The following GLG1 variants were observed in gnomAD, a reference collection of about 807,000 sequenced individuals.
The protein encoded by GLG1 is golgi glycoprotein 1, also known as Golgi apparatus protein 1.
In GLG1, 38 loss-of-function variants were observed where a neutral mutation model predicts 160.5. The ratio of observed to expected loss-of-function variants is 0.24; its 90% CI spans 0.18 to 0.31. The LOEUF (loss-of-function observed/expected upper bound fraction) is 0.31, where lower values mean the gene tolerates loss of function less well. Among genes scored for constraint, GLG1 ranks in the 10% least tolerant of loss-of-function variants. The pLI is 1.00. For missense variants in GLG1, 1,373 were observed against 1,505.2 expected (o/e 0.91, Z 1.45); for synonymous variants, 644 against 543.4 (o/e 1.19, Z -2.57).
intron 13 of GLG1, chr16:74,472,686 G>A (rs2015248586): frequency 3.1e-6 from 2 of 647,380 alleles, no homozygotes; most frequent in Admixed American, 4.6e-5. Flanking sequence ...AACACATGTA[G>A]CAATAACATT....
chr16:74,503,400 G>C, intron 4 of GLG1, 131 bp downstream of exon 4: 1 of 680,150 alleles, frequency 1.5e-6, no homozygotes, highest in Non-Finnish European at 2.6e-6. Flanking sequence ...TCTTAGGGCT[G>C]TCTGGACAAG....
chr16:74,452,263 T>C lies in GLG1; in HGVS notation c.*904A>G, dbSNP rs969506957. 3.5e-5 allele frequency: 52 copies of C among 1,490,474 alleles called. No individual in the cohort carries two copies. Among genetic ancestry groups the C allele is most frequent in the Middle Eastern group, 4.5e-4 (2 of 4,402 alleles). 92.3% of individuals were successfully genotyped at this position (1,490,474 alleles called of 1,614,324 possible). ...TGAAGCGCAGAGCTTCCAGAGTGAC[T>C]GTAGCCTCAGCAGGGCCGGTCCAGA... On this transcript the variant is annotated 3_prime_UTR_variant, in exon 26 of 26. Transcript: ENST00000422840.
At position 74,477,489 on chromosome 16, in the gene GLG1, C is replaced by T. The variant is rs1475603074; in HGVS notation, c.1872G>A (p.Gln624=). 1.2e-5 allele frequency: 20 copies of T among 1,612,622 alleles called. No individual in the cohort carries two copies. Among genetic ancestry groups the T allele is most frequent in the Non-Finnish European group, 1.5e-5 (18 of 1,178,654 alleles). The change falls in exon 12 of 26, where the codon CAG becomes CAA. Residue 624 remains glutamine (Q), a synonymous_variant. Transcript: ENST00000422840. ...GATCCAGCTTGACATCCATGGCACG[C>T]TGGTGTAGGATCCTTTGGACTTCAG... The part of the protein sequence containing the change: ...CRAEVQRILH[Q]RAMDVKLDPA...
At chr16:74,525,873 T>C (rs2017316983) in intron 2 of GLG1, among the ~76,000 whole-genome samples, 1 of 151,970 alleles carries the variant, frequency 6.6e-6, no homozygotes, top group Non-Finnish European at 1.5e-5. Flanking sequence ...TCAAGTTATC[T>C]GGTCAGGCGC....
chr16:74,453,252 C>A lies in GLG1; in HGVS notation c.3455G>T (p.Ser1152Ile), dbSNP rs756303136. ...CAGGAACAATATACAGATGCTCCCA[C>A]TGATCACAGAGAGAATGTAGTTCTT... ...PSKNYILSVI[S>I]GSICILFLIG... The change falls in exon 26 of 26, where the codon AGT (serine) becomes ATT (isoleucine). Residue 1152 changes from serine to isoleucine, a missense_variant. Ser to Ile is a moderately radical substitution (Grantham distance 142, BLOSUM62 -2). Transcript: ENST00000422840. The A allele has an allele frequency of 1.2e-6, 2 of 1,613,528 alleles. No homozygotes were observed. Among genetic ancestry groups the A allele is most frequent in the Non-Finnish European group, 1.7e-6 (2 of 1,179,488 alleles).
chr16:74,458,250 G>A, intron 23 of GLG1: 1 of 374,618 alleles, frequency 2.7e-6, no homozygotes. Flanking sequence ...GATCAGATTT[G>A]TGTTTTTGGC....
intron 2 of GLG1, among the ~76,000 whole-genome samples, chr16:74,529,439 G>A (rs867009218): frequency 2.0e-5 from 3 of 150,030 alleles, no homozygotes; most frequent in African/African-American, 7.5e-5. Flanking sequence ...CTATTTATAG[G>A]AAAATATTTT....
chr16:74,500,099 T>A (rs1227415135), intron 4 of GLG1, among the ~76,000 whole-genome samples: 1 of 152,178 alleles, frequency 6.6e-6, no homozygotes. Flanking sequence ...ATAAGGGTAT[T>A]TCAGGAGTTC....
At chr16:74,567,563 T>G (rs112767592) in intron 1 of GLG1, among the ~76,000 whole-genome samples, 8 of 134,844 alleles carry the variant, frequency 5.9e-5, no homozygotes, top group Non-Finnish European at 8.0e-5. Flanking sequence ...TCTTTTTTTT[T>G]TTTTTTTTTT....
intron 1 of GLG1, among the ~76,000 whole-genome samples, chr16:74,602,399 T>G (rs1034697902): frequency 2.6e-5 from 4 of 152,212 alleles, no homozygotes; most frequent in Admixed American, 1.3e-4. Context: ...TTTTAAAAAG[T>G]ATTTATCACA....
At chr16:74,550,003 G>C (rs964891070) in intron 1 of GLG1, among the ~76,000 whole-genome samples, 2 of 152,234 alleles carry the variant, frequency 1.3e-5, no homozygotes, top group Non-Finnish European at 2.9e-5. Flanking sequence ...TGTATTCCCA[G>C]CTACTTGGGA....
intron 11 of GLG1, 139 bp from the exon 12 acceptor site, chr16:74,477,672 G>T: frequency 1.5e-6 from 1 of 662,228 alleles, no homozygotes; most frequent in Non-Finnish European, 2.5e-6. Context: ...ATATCTTCCA[G>T]AATAAAAATT....
chr16:74,544,537 C>T (rs2017991186), intron 1 of GLG1, among the ~76,000 whole-genome samples: 1 of 151,858 alleles, frequency 6.6e-6, no homozygotes, highest in South Asian at 2.1e-4. Context: ...AATGGAGTCT[C>T]ACTCTGTTGC....
chr16:74,452,120 C>T lies in GLG1; in HGVS notation c.*1047G>A, dbSNP rs769190110. 2.5e-6 allele frequency: 4 copies of T among 1,613,890 alleles called. No individual in the cohort carries two copies. In the African/African-American group the frequency reaches 5.3e-5, roughly 22 times the overall value. On this transcript the variant is annotated 3_prime_UTR_variant, in exon 26 of 26. Coordinates refer to ENST00000422840, the MANE Select transcript of GLG1 (RefSeq NM_001145667.2). ...ACCTTTATAAGCCATTGTCTCTGAC[C>T]TGTATTGTAGCCTGAAAAATAAAGC...
intron 10 of GLG1, among the ~76,000 whole-genome samples, chr16:74,481,226 G>GTTAT (rs1220510254): frequency 6.6e-6 from 1 of 152,140 alleles, no homozygotes; most frequent in Non-Finnish European, 1.5e-5. Context: ...AGGTAAGGTG[G>GTTAT]TTATCTTTTT....
chr16:74,485,072 C>T lies in GLG1; in HGVS notation c.1571+724G>A, dbSNP rs2015744262. Among the ~76,000 whole-genome samples the T allele has an allele frequency of 2.0e-5, 3 of 152,244 alleles. No individual in the cohort carries two copies. In the South Asian group the frequency reaches 6.2e-4, roughly 32 times the overall value. ...GGGACTACAGGCATGCACCACCACG[C>T]CAGCTGATTTTAAAAACTTTTATGT... is the stretch of plus-strand genomic sequence containing the variant. On this transcript the variant is annotated intron_variant, in intron 9 of 25. Coordinates refer to ENST00000422840, the MANE Select transcript of GLG1 (RefSeq NM_001145667.2).
intron 1 of GLG1, among the ~76,000 whole-genome samples, chr16:74,561,998 T>C (rs568085006): frequency 2.1e-4 from 32 of 152,362 alleles, no homozygotes; most frequent in Non-Finnish European, 1.8e-4. Flanking sequence ...TGATGGGTCA[T>C]TGGAACACTT....
At chr16:74,475,640 A>G (rs921391108) in intron 12 of GLG1, among the ~76,000 whole-genome samples, 2 of 152,208 alleles carry the variant, frequency 1.3e-5, no homozygotes, top group African/African-American at 4.8e-5. Flanking sequence ...GGTTTCAAGT[A>G]TAATATCAGC....
intron 2 of GLG1, among the ~76,000 whole-genome samples, chr16:74,511,910 A>G (rs182416574): frequency 1.1e-4 from 16 of 152,190 alleles, no homozygotes; most frequent in Admixed American, 9.2e-4. Context: ...AATGCTAAAC[A>G]TTTTACTGTA....
Sources: allele counts gnomAD v4.1 joint callset (sites outside exome capture counted in the v4.1 genomes callset), GRCh38; gene constraint gnomAD v4.1.1; transcripts MANE v1.5; gene names NCBI Gene and HGNC (gene_info 2026-07-23, HGNC 2026-07-21).